Variants in IRAK3 observed in about 807,000 individuals in gnomAD.
The protein encoded by IRAK3 is interleukin 1 receptor associated kinase 3.
In IRAK3, 57 loss-of-function variants were observed where a neutral mutation model predicts 56.6. The ratio of observed to expected loss-of-function variants is 1.01; its 90% CI spans 0.81 to 1.26. IRAK3 has a LOEUF of 1.26. Ranked by LOEUF, IRAK3 falls within the 50% of genes most tolerant of loss-of-function variation. IRAK3 has a pLI of 0.00. For missense variants in IRAK3, 703 were observed against 719.0 expected (o/e 0.98, Z 0.25); for synonymous variants, 258 against 255.7 (o/e 1.01, Z -0.09).
intron 2 of IRAK3, 143 bp from the exon 3 acceptor site, chr12:66,209,313 C>A: frequency 1.6e-6 from 1 of 638,518 alleles, no homozygotes; most frequent in Non-Finnish European, 2.8e-6. Flanking sequence ...AATACTTTCA[C>A]AAATTTATCG....
chr12:66,251,146 T>G lies in IRAK3; in HGVS notation c.*2975T>G, dbSNP rs1221981590. 1 of 152,138 alleles carries G rather than the reference T, an allele frequency of 6.6e-6. No individual in the cohort carries two copies. The highest frequency in any genetic ancestry group is 1.5e-5 in the Non-Finnish European group (1 of 68,038). The allele number at this position is 152,138 out of a possible 1,614,324, so 9.4% of individuals were successfully genotyped here. On this transcript the variant is annotated 3_prime_UTR_variant, in exon 12 of 12. Transcript: ENST00000261233. ...TATTGACTAGACCATCTTTCTAGAG[T>G]ATAACTATTTTGGACACCTCAAAGA...
intron 5 of IRAK3, among the ~76,000 whole-genome samples, chr12:66,215,793 C>CGT (rs1400287667): frequency 6.1e-5 from 9 of 147,666 alleles, no homozygotes; most frequent in African/African-American, 1.3e-4. Flanking sequence ...CATGCACACA[C>CGT]ACACACACAC....
chr12:66,208,126 A>G (rs960605118), intron 2 of IRAK3, among the ~76,000 whole-genome samples: 2 of 152,250 alleles, frequency 1.3e-5, no homozygotes, highest in African/African-American at 4.8e-5. Context: ...AAGAAACACT[A>G]GAAGATAATC....
intron 5 of IRAK3, among the ~76,000 whole-genome samples, chr12:66,215,208 A>G (rs1281602430): frequency 6.6e-6 from 1 of 151,872 alleles, no homozygotes; most frequent in Non-Finnish European, 1.5e-5. Flanking sequence ...CAATTCGTAC[A>G]TTGTCTTATG....
At chr12:66,215,745 C>T (rs2052664356) in intron 5 of IRAK3, among the ~76,000 whole-genome samples, 1 of 146,680 alleles carries the variant, frequency 6.8e-6, no homozygotes, top group African/African-American at 2.6e-5. Flanking sequence ...CCGGACTTTG[C>T]CCTTCTGCTT....
intron 1 of IRAK3, among the ~76,000 whole-genome samples, chr12:66,193,591 C>A (rs2052420313): frequency 6.8e-6 from 1 of 146,194 alleles, no homozygotes; most frequent in South Asian, 2.1e-4. Flanking sequence ...TATCCTCTGG[C>A]TCTTCTTGGC....
chr12:66,203,579 C>A, intron 1 of IRAK3, 132 bp from the exon 2 acceptor site: 1 of 854,980 alleles, frequency 1.2e-6, no homozygotes, highest in Non-Finnish European at 1.9e-6. Flanking sequence ...CAAATTAGTT[C>A]AAAATAAAAG....
intron 1 of IRAK3, among the ~76,000 whole-genome samples, chr12:66,193,488 T>G (rs2052419412): frequency 6.6e-6 from 1 of 152,152 alleles, no homozygotes; most frequent in Non-Finnish European, 1.5e-5. Context: ...TTAACTAAAG[T>G]CCATGCTTTA....
At chr12:66,240,880 C>A (rs945742864) in intron 8 of IRAK3, among the ~76,000 whole-genome samples, 6 of 150,578 alleles carry the variant, frequency 4.0e-5, no homozygotes, top group East Asian at 3.9e-4. Context: ...ATATATATCT[C>A]TCTCTCTTTA....
At chr12:66,207,684 C>G (rs1331260706) in intron 2 of IRAK3, among the ~76,000 whole-genome samples, 2 of 152,002 alleles carry the variant, frequency 1.3e-5, no homozygotes, top group African/African-American at 4.8e-5. Context: ...CTAAGCATGG[C>G]TTTTGCTGCA....
chr12:66,246,399 G>C (rs1279997864), intron 11 of IRAK3, among the ~76,000 whole-genome samples: 3 of 152,186 alleles, frequency 2.0e-5, no homozygotes, highest in African/African-American at 7.2e-5. Flanking sequence ...TAGGAGTTTG[G>C]ATTTTATCCT....
At chr12:66,239,342 AGAGT>A (rs2052940351) in intron 8 of IRAK3, among the ~76,000 whole-genome samples, 1 of 150,326 alleles carries the variant, frequency 6.7e-6, no homozygotes, top group Non-Finnish European at 1.5e-5. Context: ...ATGTAAGGTC[AGAGT>A]GAGTGAGTGC....
rs576311643 is a variant in IRAK3 at position 66,252,219 on chromosome 12, T to A, written c.*4048T>A. On this transcript the variant is annotated 3_prime_UTR_variant, in exon 12 of 12. Transcript: ENST00000261233. ...CCATCTTATAATAAGGTGAGGACAC[T>A]GAGTCAGGAAACTAACTTGCTAAAA... is the stretch of plus-strand genomic sequence containing the variant. 17 of 152,154 alleles carry A rather than the reference T, an allele frequency of 1.1e-4. No homozygotes were observed. The highest frequency in any genetic ancestry group is 9.2e-4 in the Admixed American group (14 of 15,284). 9.4% of individuals were successfully genotyped at this position (152,154 alleles called of 1,614,324 possible).
At position 66,211,624 on chromosome 12, in the gene IRAK3, C is replaced by T. The variant is rs866446135; in HGVS notation, c.588+27C>T. ...TATGGAAAGAATTACTGTCACAGGA[C>T]ATCAGTTCCACTTATTTGTTCATCT... On this transcript the variant is annotated intron_variant, in intron 5 of 11. Coordinates refer to ENST00000261233, the MANE Select transcript of IRAK3 (RefSeq NM_007199.3). 11 of 1,563,046 alleles carry T rather than the reference C, an allele frequency of 7.0e-6. 1 individual carries two copies. The Middle Eastern group carries it at 1.7e-3, about 240-fold the overall frequency.
intron 2 of IRAK3, among the ~76,000 whole-genome samples, chr12:66,205,839 C>T (rs1412123519): frequency 6.6e-6 from 1 of 152,082 alleles, no homozygotes; most frequent in African/African-American, 2.4e-5. Flanking sequence ...CTTTTATTTC[C>T]TCCCAGGTAC....
chr12:66,201,737 C>G (rs1003170350), intron 1 of IRAK3, among the ~76,000 whole-genome samples: 1 of 152,128 alleles, frequency 6.6e-6, no homozygotes, highest in African/African-American at 2.4e-5. Flanking sequence ...TTATTTAAAG[C>G]CTAGTATGCT....
At chr12:66,241,572 G>A (rs2052970312) in intron 8 of IRAK3, among the ~76,000 whole-genome samples, 1 of 152,178 alleles carries the variant, frequency 6.6e-6, no homozygotes, top group Admixed American at 6.5e-5. Context: ...AGGGCCTTTT[G>A]CAATTTCCGC....
intron 2 of IRAK3, among the ~76,000 whole-genome samples, chr12:66,206,858 C>T (rs886584542): frequency 6.6e-6 from 1 of 152,080 alleles, no homozygotes; most frequent in African/African-American, 2.4e-5. Context: ...CTTTGTGGGA[C>T]GTTTTAAAGT....
chr12:66,234,339 C>T (rs1186043282), intron 8 of IRAK3: 4 of 1,612,596 alleles, frequency 2.5e-6, no homozygotes, highest in Non-Finnish European at 3.4e-6. Context: ...GTTAACACGG[C>T]ACCGGGGTGC....
Sources: gnomAD v4.1 joint callset for allele counts (sites outside exome capture counted in the v4.1 genomes callset) on GRCh38, gnomAD v4.1.1 for gene constraint, MANE v1.5 for transcripts, NCBI Gene and HGNC (gene_info 2026-07-23, HGNC 2026-07-21) for gene names.